SAMD12: variants seen among roughly 807,000 people sequenced by gnomAD.
The protein encoded by SAMD12 is sterile alpha motif domain containing 12.
SAMD12 carries 9 observed loss-of-function variants against 15.0 expected under a neutral mutation model. That is an observed-to-expected ratio of 0.60 (90% confidence interval 0.36 to 1.05). The LOEUF is 1.05. SAMD12 is among the 50% of genes least tolerant of loss of function. The pLI, the probability that SAMD12 is intolerant of heterozygous loss-of-function variation, is 0.01. For missense variants in SAMD12, 230 were observed against 234.2 expected (o/e 0.98, Z 0.12); for synonymous variants, 86 against 90.1 (o/e 0.96, Z 0.25).
intron 4 of SAMD12, among the ~76,000 whole-genome samples, chr8:118,303,008 G>A (rs537698323): frequency 1.3e-5 from 2 of 152,192 alleles, no homozygotes; most frequent in Non-Finnish European, 2.9e-5. Context: ...TGCCTGGAAG[G>A]AAACTAAGTT....
intron 3 of SAMD12, among the ~76,000 whole-genome samples, chr8:118,404,177 T>C (rs1388072275): frequency 6.6e-6 from 1 of 152,172 alleles, no homozygotes; most frequent in African/African-American, 2.4e-5. Flanking sequence ...AGAGATGCAG[T>C]CTCACTACAT....
intron 4 of SAMD12, among the ~76,000 whole-genome samples, chr8:118,312,949 C>T (rs1421173568): frequency 1.3e-5 from 2 of 152,162 alleles, no homozygotes. Flanking sequence ...ATAGTTACTA[C>T]TAAGGAATCT....
At chr8:118,512,839 A>T (rs1298350645) in intron 2 of SAMD12, among the ~76,000 whole-genome samples, 1 of 152,180 alleles carries the variant, frequency 6.6e-6, no homozygotes. Context: ...TTCAAAGCCA[A>T]GTTTAAGTAT....
rs1035900617 is a variant in SAMD12 at position 118,466,707 on chromosome 8, C to G, written c.193-26746G>C. Among the ~76,000 whole-genome samples the G allele has an allele frequency of 4.0e-5, 6 of 151,834 alleles. 1 individual carries two copies. Among genetic ancestry groups the G allele is most frequent in the Admixed American group, 3.9e-4 (6 of 15,226 alleles). On this transcript the variant is annotated intron_variant, in intron 2 of 3. Coordinates refer to ENST00000314727, the MANE Select transcript of SAMD12 (RefSeq NM_207506.3). ...CTTTACAAATTACTTAAAGATAAGA[C>G]GAGAGAAGGATTCATATTAATATTA...
chr8:118,307,343 C>T (rs1362832215), intron 4 of SAMD12, among the ~76,000 whole-genome samples: 1 of 152,212 alleles, frequency 6.6e-6, no homozygotes, highest in Non-Finnish European at 1.5e-5. Flanking sequence ...TATCCTTCCA[C>T]TCATGATTTA....
chr8:118,615,502 TACTGCTTATCA>T (rs1364303364), intron 1 of SAMD12, among the ~76,000 whole-genome samples: 1 of 152,182 alleles, frequency 6.6e-6, no homozygotes, highest in Non-Finnish European at 1.5e-5. Flanking sequence ...GGTGCTACTC[TACTGCTTATCA>T]ACAGAAAGGC....
chr8:118,504,394 A>G (rs1824868854), intron 2 of SAMD12, among the ~76,000 whole-genome samples: 1 of 152,124 alleles, frequency 6.6e-6, no homozygotes, highest in Non-Finnish European at 1.5e-5. Context: ...AGTCAAGGAG[A>G]CCCAGCTGTC....
chr8:118,410,545 G>T (rs1821359340), intron 3 of SAMD12, among the ~76,000 whole-genome samples: 1 of 152,146 alleles, frequency 6.6e-6, no homozygotes, highest in Non-Finnish European at 1.5e-5. Context: ...GTAGTTGTGG[G>T]TGTTTGCTAT....
intron 2 of SAMD12, among the ~76,000 whole-genome samples, chr8:118,554,337 G>C (rs1157418144): frequency 6.6e-6 from 1 of 152,032 alleles, no homozygotes; most frequent in Non-Finnish European, 1.5e-5. Flanking sequence ...TATACACCAT[G>C]GAATACTATG....
At chr8:118,398,779 T>A (rs984277896) in intron 3 of SAMD12, among the ~76,000 whole-genome samples, 7 of 152,206 alleles carry the variant, frequency 4.6e-5, no homozygotes, top group Non-Finnish European at 7.3e-5. Context: ...TTGATTGTAG[T>A]GATGGTTTCA....
intron 4 of SAMD12, among the ~76,000 whole-genome samples, chr8:118,333,889 G>A (rs1453728878): frequency 4.8e-5 from 7 of 146,136 alleles, no homozygotes; most frequent in Non-Finnish European, 9.0e-5. Flanking sequence ...CGTTGGTGGG[G>A]GATATGTGTG....
rs898421144 is a variant in SAMD12, at chr8:118,284,478, G to A, written c.434-86746C>T. 11 of 404,288 alleles carry A rather than the reference G, an allele frequency of 2.7e-5. 1 individual carries two copies. Among genetic ancestry groups the A allele is most frequent in the South Asian group, 5.5e-5 (3 of 54,758 alleles). The allele number at this position is 404,288 out of a possible 1,614,324, so 25.0% of individuals were successfully genotyped here. ...GTCCCCTTTAATCTTCATACACAAA[G>A]AATCTGAAATAGTCCCTCTTACTCT... On this transcript the variant is annotated intron_variant, in intron 4 of 4. Coordinates refer to the SAMD12 transcript ENST00000409003.
chr8:118,551,335 C>A (rs1228129133), intron 2 of SAMD12, among the ~76,000 whole-genome samples: 1 of 152,046 alleles, frequency 6.6e-6, no homozygotes, highest in African/African-American at 2.4e-5. Flanking sequence ...TCTCTCAGAC[C>A]ATAGTGCAAT....
chr8:118,265,463 T>C (rs1314869889), intron 4 of SAMD12, among the ~76,000 whole-genome samples: 3 of 152,056 alleles, frequency 2.0e-5, no homozygotes, highest in African/African-American at 7.2e-5. Context: ...TCAGGATGAA[T>C]GGAGGTGAAT....
At chr8:118,383,052 CA>C (rs1399992810) in intron 3 of SAMD12, among the ~76,000 whole-genome samples, 1 of 152,084 alleles carries the variant, frequency 6.6e-6, no homozygotes, top group African/African-American at 2.4e-5. Flanking sequence ...AACGAACATC[CA>C]AATAAGTGTG....
At chr8:118,454,144 G>C (rs1444185690) in intron 2 of SAMD12, among the ~76,000 whole-genome samples, 3 of 152,094 alleles carry the variant, frequency 2.0e-5, no homozygotes, top group African/African-American at 7.2e-5. Flanking sequence ...ATGGTTTTGG[G>C]GGTAAACATT....
rs866480979 is a variant in SAMD12, at chr8:118,571,656, C to G, written c.192+9059G>C. ...GGAGCCAACACAGAGCTTGGGCCGT[C>G]GCTTCAGAGGGTGAAAGCCTCAAGC... is the stretch of plus-strand genomic sequence containing the variant. On this transcript the variant is annotated intron_variant, in intron 2 of 3. Coordinates refer to ENST00000314727, the MANE Select transcript of SAMD12 (RefSeq NM_207506.3). Among the ~76,000 whole-genome samples, 6 of 152,180 alleles carry G rather than the reference C, an allele frequency of 3.9e-5. No homozygotes were observed. The East Asian group carries it at 1.2e-3, about 29-fold the overall frequency.
At chr8:118,272,324 C>G (rs1813379951) in intron 4 of SAMD12, among the ~76,000 whole-genome samples, 1 of 152,194 alleles carries the variant, frequency 6.6e-6, no homozygotes, top group Admixed American at 6.5e-5. Context: ...AACAAGGTAT[C>G]AAGTCTTGAG....
chr8:118,338,421 A>G (rs1817187195), intron 4 of SAMD12, among the ~76,000 whole-genome samples: 1 of 152,190 alleles, frequency 6.6e-6, no homozygotes. Context: ...CTTTGGTCTA[A>G]TTACCAAGAC....
Sources: gnomAD v4.1 joint callset for allele counts (sites outside exome capture counted in the v4.1 genomes callset) on GRCh38, gnomAD v4.1.1 for gene constraint, MANE v1.5 for transcripts, NCBI Gene and HGNC (gene_info 2026-07-23, HGNC 2026-07-21) for gene names.